Variants in HRH4 observed in about 807,000 individuals in gnomAD.
The protein encoded by HRH4 is histamine H4 receptor.
In HRH4, 12 loss-of-function variants were observed where a neutral mutation model predicts 10.4. That is an observed-to-expected ratio of 1.15 (90% CI 0.74 to 1.87). HRH4 has a LOEUF of 1.87. Among genes scored for constraint, HRH4 ranks in the 40% most tolerant of loss-of-function variants. The pLI is 0.00. For synonymous variants in HRH4, 154 were observed against 166.6 expected (o/e 0.92, Z 0.58); for missense variants, 415 against 453.3 (o/e 0.92, Z 0.77).
intron 2 of HRH4, among the ~76,000 whole-genome samples, chr18:24,474,659 GAACATGAGAGCTGA>G (rs1326778228): frequency 1.3e-5 from 2 of 150,588 alleles, no homozygotes; most frequent in African/African-American, 4.9e-5. Flanking sequence ...AAGAAACATG[GAACATGAGAGCTGA>G]AAGGAACCTT....
chr18:24,477,433 G>T lies in HRH4; in HGVS notation c.1044G>T (p.Trp348Cys). Residue 348 changes from tryptophan to cysteine, a missense_variant, in exon 3 of 3, where the codon TGG (tryptophan) becomes TGT (cysteine). By Grantham distance (215) the Trp-to-Cys change is radical (BLOSUM62 -2). Transcript: ENST00000256906. Reference sequence around the variant, plus strand: ...ATAGAATTGCATTTTGGCTTCAGTGGTTCAATTCCTTTGTCAATCCTCTTT... The same window carrying T: ...ATAGAATTGCATTTTGGCTTCAGTGTTTCAATTCCTTTGTCAATCCTCTTT... Reference protein sequence around the residue: ...VWYRIAFWLQWFNSFVNPLLY... With the variant: ...VWYRIAFWLQCFNSFVNPLLY... The T allele has an allele frequency of 6.2e-7, 1 of 1,614,112 alleles. No individual in the cohort carries two copies.
At chr18:24,476,250 A>G (rs1910127694) in intron 2 of HRH4, among the ~76,000 whole-genome samples, 1 of 152,182 alleles carries the variant, frequency 6.6e-6, no homozygotes, top group African/African-American at 2.4e-5. Flanking sequence ...CTCTTTATTT[A>G]TATATATGTA....
intron 1 of HRH4, among the ~76,000 whole-genome samples, chr18:24,466,498 C>G (rs1476692021): frequency 6.6e-6 from 1 of 151,920 alleles, no homozygotes; most frequent in Admixed American, 6.6e-5. Flanking sequence ...GTTTACTTAT[C>G]ATTAAAAATA....
chr18:24,465,336 G>A (rs1909745967), intron 1 of HRH4, among the ~76,000 whole-genome samples: 1 of 151,864 alleles, frequency 6.6e-6, no homozygotes, highest in Non-Finnish European at 1.5e-5. Flanking sequence ...CAAACAGAAG[G>A]CGCCCTTGGG....
chr18:24,470,846 G>A (rs9962663), intron 2 of HRH4, among the ~76,000 whole-genome samples: 1 of 149,174 alleles, frequency 6.7e-6, no homozygotes, highest in Non-Finnish European at 1.5e-5. Flanking sequence ...CTCTGCTTTA[G>A]TCCATTCTCC....
chr18:24,465,412 A>T (rs996096926), intron 1 of HRH4, among the ~76,000 whole-genome samples: 1 of 152,128 alleles, frequency 6.6e-6, no homozygotes, highest in African/African-American at 2.4e-5. Flanking sequence ...TGGGTGGTGC[A>T]TTGGAGGCCA....
chr18:24,468,815 C>T lies in HRH4; in HGVS notation c.221C>T (p.Pro74Leu). The change falls in exon 2 of 3, where the codon CCT (proline) becomes CTT (leucine). Residue 74 changes from proline to leucine, a missense_variant. Physicochemically the swap from Pro to Leu is moderately conservative, Grantham distance 98. Transcript: ENST00000256906. ...GTGATCTCCATTCCTTTGTACATCCCTCACACGCTGTTCGAATGGGATTTT... is the reference window on the plus strand; with the variant it reads ...GTGATCTCCATTCCTTTGTACATCCTTCACACGCTGTTCGAATGGGATTTT... The part of the protein sequence containing the change: ...VGVISIPLYI[P>L]HTLFEWDFGK... The T allele has an allele frequency of 6.2e-7, 1 of 1,613,968 alleles. No homozygotes were observed. Among genetic ancestry groups the T allele is most frequent in the South Asian group, 1.1e-5 (1 of 91,058 alleles).
chr18:24,461,043 G>GTT, intron 1 of HRH4, 122 bp downstream of exon 1: 1 of 697,066 alleles, frequency 1.4e-6, no homozygotes, highest in Non-Finnish European at 2.2e-6. Context: ...AACACAAAAA[G>GTT]TTTAAGTATT....
intron 2 of HRH4, among the ~76,000 whole-genome samples, chr18:24,474,535 A>C (rs1485546528): frequency 6.6e-6 from 1 of 152,242 alleles, no homozygotes; most frequent in Non-Finnish European, 1.5e-5. Flanking sequence ...AAACCATTGC[A>C]GAACGAGACT....
At chr18:24,465,776 A>G (rs1040107297) in intron 1 of HRH4, among the ~76,000 whole-genome samples, 6 of 152,196 alleles carry the variant, frequency 3.9e-5, no homozygotes, top group African/African-American at 1.4e-4. Flanking sequence ...TGAAAACCAA[A>G]GGAATATCCT....
At chr18:24,464,997 C>A (rs1363626825) in intron 1 of HRH4, among the ~76,000 whole-genome samples, 1 of 151,992 alleles carries the variant, frequency 6.6e-6, no homozygotes, top group African/African-American at 2.4e-5. Flanking sequence ...GAGAAAGACA[C>A]ATTTGAAGCC....
At position 24,476,787 on chromosome 18, in the gene HRH4, T is replaced by G; in HGVS notation, c.398T>G (p.Val133Gly). The change falls in exon 3 of 3, where the codon GTT becomes GGT. Residue 133 changes from valine to glycine, a missense_variant. Transcript: ENST00000256906. ...RTQHTGVLKI[V>G]TLMVAVWVLA... ...CAACATACTGGGGTCTTGAAGATTG[T>G]TACTCTGATGGTGGCCGTTTGGGTG... 6.2e-7 allele frequency: 1 copy of G among 1,614,232 alleles called. No homozygotes were observed. The highest frequency in any genetic ancestry group is 8.5e-7 in the Non-Finnish European group (1 of 1,180,032).
chr18:24,468,319 G>GT (rs1466338154), intron 1 of HRH4, among the ~76,000 whole-genome samples: 5 of 152,180 alleles, frequency 3.3e-5, no homozygotes, highest in African/African-American at 1.2e-4. Flanking sequence ...TGGGATTACA[G>GT]GCGTGAGTTA....
intron 1 of HRH4, among the ~76,000 whole-genome samples, chr18:24,467,833 C>T (rs1411236544): frequency 3.3e-5 from 5 of 152,146 alleles, no homozygotes; most frequent in African/African-American, 7.2e-5. Context: ...TGTGGGCCAC[C>T]GTGCCCGGCC....
chr18:24,475,137 C>CA (rs1910102495), intron 2 of HRH4, among the ~76,000 whole-genome samples: 1 of 152,062 alleles, frequency 6.6e-6, no homozygotes, highest in Non-Finnish European at 1.5e-5. Context: ...GATTGTGGGT[C>CA]CTGTGATGGG....
In HRH4 at chr18:24,477,604, C is replaced by T. The variant is rs370363669; in HGVS notation, c.*42C>T. 10 of 1,361,614 alleles carry T rather than the reference C, an allele frequency of 7.3e-6. No homozygotes were observed. Among genetic ancestry groups the T allele is most frequent in the African/African-American group, 7.3e-5 (5 of 68,734 alleles). 84.3% of individuals were successfully genotyped at this position (1,361,614 alleles called of 1,614,324 possible). On this transcript the variant is annotated 3_prime_UTR_variant, in exon 3 of 3. Transcript: ENST00000256906. ...TCTGTAAATTTTAGTCTCAATCTCA[C>T]CTAAATGAATCAGGTCTGCCCTTTA...
rs200257355 is a variant in HRH4, at chr18:24,470,501, A to ATTTTTTTTTTTTTTTTTTTT, written c.357+1569_357+1570insTTTTTTTTTTTTTTTTTTTT. On this transcript the variant is annotated intron_variant, in intron 2 of 2. Coordinates refer to ENST00000256906, the MANE Select transcript of HRH4 (RefSeq NM_021624.4). ...GGTGGTGGGCCACATTTGTTTCTCTATTTTTTTTTTTTTTTTTTTGGAGAC... is the reference window on the plus strand; with the variant it reads ...GGTGGTGGGCCACATTTGTTTCTCTATTTTTTTTTTTTTTTTTTTTTTTTTTTTTTTTTTTTTTTGGAGAC... Among the ~76,000 whole-genome samples, 25 of 129,876 alleles carry ATTTTTTTTTTTTTTTTTTTT rather than the reference A, an allele frequency of 1.9e-4. 3 individuals carry two copies. Among genetic ancestry groups the ATTTTTTTTTTTTTTTTTTTT allele is most frequent in the South Asian group, 7.6e-4 (3 of 3,934 alleles). 85.2% of individuals were successfully genotyped at this position (129,876 alleles called of 152,430 possible).
At chr18:24,463,810 G>C (rs991536233) in intron 1 of HRH4, among the ~76,000 whole-genome samples, 3 of 152,172 alleles carry the variant, frequency 2.0e-5, no homozygotes, top group Non-Finnish European at 4.4e-5. Flanking sequence ...AAAAATTCTA[G>C]TACTAGCTAT....
chr18:24,472,382 A>G (rs1232747699), intron 2 of HRH4, among the ~76,000 whole-genome samples: 3 of 152,102 alleles, frequency 2.0e-5, no homozygotes, highest in Non-Finnish European at 4.4e-5. Flanking sequence ...TGCCTCGAGT[A>G]ATTCCCCTGG....
Sources: gnomAD v4.1 joint callset for allele counts (sites outside exome capture counted in the v4.1 genomes callset) on GRCh38, gnomAD v4.1.1 for gene constraint, MANE v1.5 for transcripts, NCBI Gene and HGNC (gene_info 2026-07-23, HGNC 2026-07-21) for gene names.